The following NRXN1 variants were observed in gnomAD, a reference collection of about 807,000 sequenced individuals.
NRXN1 encodes neurexin 1, also known as neurexin-1.
In NRXN1, 39 loss-of-function variants were observed where a neutral mutation model predicts 150.9. The ratio of observed to expected loss-of-function variants is 0.26; its 90% CI spans 0.20 to 0.34. NRXN1 has a LOEUF of 0.34. Ranked by LOEUF, NRXN1 falls within the 10% of genes least tolerant of loss-of-function variation. The pLI is 1.00. For missense variants in NRXN1, 1,815 were observed against 1,949.9 expected (o/e 0.93, Z 1.30); for synonymous variants, 924 against 757.0 (o/e 1.22, Z -3.62).
At chr2:49,956,383 G>A (rs191182572) in intron 21 of NRXN1, among the ~76,000 whole-genome samples, 4 of 152,296 alleles carry the variant, frequency 2.6e-5, no homozygotes, top group East Asian at 3.9e-4. Flanking sequence ...GCATTGTCAT[G>A]TTAACTTTTT....
chr2:50,809,351 C>T (rs1485846423), intron 5 of NRXN1, among the ~76,000 whole-genome samples: 2 of 152,078 alleles, frequency 1.3e-5, no homozygotes, highest in Non-Finnish European at 2.9e-5. Context: ...GTCCCAAATC[C>T]TCTCGCTAAG....
At chr2:50,532,233 G>A (rs1286225518) in intron 10 of NRXN1, among the ~76,000 whole-genome samples, 1 of 152,068 alleles carries the variant, frequency 6.6e-6, no homozygotes, top group Non-Finnish European at 1.5e-5. Flanking sequence ...TCTGCACAAT[G>A]AGAGGGTACT....
chr2:50,240,662 G>A (rs1465191202), intron 17 of NRXN1, among the ~76,000 whole-genome samples: 2 of 151,542 alleles, frequency 1.3e-5, no homozygotes, highest in African/African-American at 4.8e-5. Flanking sequence ...GAGAGATCTG[G>A]GTTCAAATTC....
intron 15 of NRXN1, among the ~76,000 whole-genome samples, chr2:50,476,556 G>A (rs1359410293): frequency 4.1e-5 from 1 of 24,498 alleles, no homozygotes; most frequent in African/African-American, 6.4e-4. Flanking sequence ...ATACTGGTAT[G>A]GCTGTCAGTA....
chr2:50,615,364 G>A (rs1394616206), intron 8 of NRXN1: 1 of 152,078 alleles, frequency 6.6e-6, no homozygotes, highest in Non-Finnish European at 1.5e-5. Context: ...ATTCTAGGTT[G>A]TTTTATTTAA....
At chr2:51,007,167 T>C (rs1175355309) in intron 2 of NRXN1, among the ~76,000 whole-genome samples, 5 of 152,014 alleles carry the variant, frequency 3.3e-5, no homozygotes, top group African/African-American at 1.2e-4. Context: ...AATTCTATTT[T>C]GTAACAAATT....
At chr2:50,131,302 T>C (rs1705456768) in intron 18 of NRXN1, among the ~76,000 whole-genome samples, 1 of 152,236 alleles carries the variant, frequency 6.6e-6, no homozygotes, top group African/African-American at 2.4e-5. Context: ...GGACTATCCA[T>C]CTGTTTGAAT....
intron 18 of NRXN1, among the ~76,000 whole-genome samples, chr2:50,148,791 C>A (rs919849539): frequency 1.3e-5 from 2 of 151,630 alleles, no homozygotes; most frequent in Admixed American, 1.3e-4. Flanking sequence ...TAAATACCAG[C>A]CATTCTAAGC....
intron 2 of NRXN1, among the ~76,000 whole-genome samples, chr2:50,994,904 T>A (rs1234440209): frequency 2.6e-5 from 4 of 151,840 alleles, no homozygotes; most frequent in South Asian, 2.1e-4. Context: ...ACTGTTTTTT[T>A]AAAAAAAACT....
chr2:50,651,497 G>A (rs545971680), intron 5 of NRXN1, among the ~76,000 whole-genome samples: 1 of 148,728 alleles, frequency 6.7e-6, no homozygotes, highest in Non-Finnish European at 1.5e-5. Flanking sequence ...GACATGACAT[G>A]ACATGACATG....
At chr2:50,288,020 G>T (rs539282205) in intron 17 of NRXN1, among the ~76,000 whole-genome samples, 1 of 152,068 alleles carries the variant, frequency 6.6e-6, no homozygotes, top group African/African-American at 2.4e-5. Context: ...CAAAATAAAA[G>T]TATGTATTAT....
intron 22 of NRXN1, among the ~76,000 whole-genome samples, chr2:49,933,934 G>C (rs973757925): frequency 2.6e-5 from 4 of 152,154 alleles, no homozygotes; most frequent in Admixed American, 2.6e-4. Flanking sequence ...AAGAGGCCTT[G>C]TGAATTCAGG....
chr2:50,924,088 A>G (rs540885862), intron 3 of NRXN1, among the ~76,000 whole-genome samples: 2 of 151,872 alleles, frequency 1.3e-5, no homozygotes, highest in Admixed American at 1.3e-4. Flanking sequence ...TTTTTCATTT[A>G]ATTTCACTTT....
At chr2:50,920,905 T>C (rs1300542340) in intron 5 of NRXN1, among the ~76,000 whole-genome samples, 1 of 151,708 alleles carries the variant, frequency 6.6e-6, no homozygotes, top group Non-Finnish European at 1.5e-5. Context: ...ATTGCCTGGC[T>C]CATGTTCAGA....
intron 21 of NRXN1, among the ~76,000 whole-genome samples, chr2:49,948,757 C>T (rs937591814): frequency 3.3e-5 from 5 of 151,980 alleles, no homozygotes; most frequent in African/African-American, 4.8e-5. Flanking sequence ...AAATATGTCA[C>T]ATTAATCAAT....
chr2:50,622,284 A>G (rs758669676), intron 6 of NRXN1, among the ~76,000 whole-genome samples: 2 of 152,190 alleles, frequency 1.3e-5, no homozygotes, highest in African/African-American at 2.4e-5. Context: ...TAGCTCAGAT[A>G]GTATAAACCT....
intron 18 of NRXN1, among the ~76,000 whole-genome samples, chr2:50,118,928 GA>G (rs1268119957): frequency 6.6e-6 from 1 of 151,366 alleles, no homozygotes; most frequent in East Asian, 1.9e-4. Flanking sequence ...TTTTGTTTGG[GA>G]AAAATTCTGT....
At chr2:50,922,905 C>A (rs1360750522) in intron 3 of NRXN1, among the ~76,000 whole-genome samples, 1 of 151,842 alleles carries the variant, frequency 6.6e-6, no homozygotes, top group East Asian at 1.9e-4. Flanking sequence ...ATATGCTGCA[C>A]TGTGTATTTC....
At position 50,677,824 on chromosome 2, in the gene NRXN1, C is replaced by A. The variant is rs377099172; in HGVS notation, c.833-54209G>T. The stretch of plus-strand genomic sequence containing the variant: ...CACCCCTCCATTTCCAAACCCATTC[C>A]TACTTCTTCGTGCATGTGGAGAGAA... On this transcript the variant is annotated intron_variant, in intron 5 of 22. Coordinates refer to ENST00000401669, the MANE Select transcript of NRXN1 (RefSeq NM_001330078.2). Among the ~76,000 whole-genome samples, 12 of 152,022 alleles carry A rather than the reference C, an allele frequency of 7.9e-5. No homozygotes were observed. The East Asian group carries it at 1.2e-3, about 15-fold the overall frequency.
Sources: gnomAD v4.1 joint callset for allele counts (sites outside exome capture counted in the v4.1 genomes callset) on GRCh38, gnomAD v4.1.1 for gene constraint, MANE v1.5 for transcripts, NCBI Gene and HGNC (gene_info 2026-07-23, HGNC 2026-07-21) for gene names.